Variants in CAMTA1 observed in about 807,000 individuals in gnomAD.
CAMTA1 encodes calmodulin-binding transcription activator 1.
CAMTA1 carries 27 observed loss-of-function variants against 170.9 expected under a neutral mutation model. That is an observed-to-expected ratio of 0.16 (90% CI 0.12 to 0.22). CAMTA1 has a LOEUF of 0.22. Among genes scored for constraint, CAMTA1 ranks in the 10% least tolerant of loss-of-function variants. CAMTA1 has a pLI of 1.00. For synonymous variants in CAMTA1, 833 were observed against 891.5 expected, an observed-to-expected ratio of 0.93 and a Z score of 1.17; for missense variants, 1,619 against 2,217.2, an observed-to-expected ratio of 0.73 and a Z score of 5.42.
intron 11 of CAMTA1, among the ~76,000 whole-genome samples, chr1:7,687,394 G>A (rs2096268241): frequency 1.3e-5 from 2 of 152,102 alleles, no homozygotes; most frequent in African/African-American, 2.4e-5. Context: ...GGGGAGGTGG[G>A]TAGGAAGGTC....
chr1:7,736,203 C>A lies in CAMTA1; in HGVS notation c.3067-141C>A. On this transcript the variant is annotated intron_variant, in intron 12 of 22. Coordinates refer to ENST00000303635, the MANE Select transcript of CAMTA1 (RefSeq NM_015215.4). The surrounding 1 kb of genome is among the most constrained non-coding windows in gnomAD (Gnocchi z 4.5). The stretch of plus-strand genomic sequence containing the variant: ...TTCAGGCATGATCCAGCATGCCCAG[C>A]CAATGTTTCTTTATTTTCAGTGTTT... 1 of 776,232 alleles carries A rather than the reference C, an allele frequency of 1.3e-6. No homozygotes were observed. Among genetic ancestry groups the A allele is most frequent in the Non-Finnish European group, 2.1e-6 (1 of 487,006 alleles). The allele number at this position is 776,232 out of a possible 1,614,324, so 48.1% of individuals were successfully genotyped here.
chr1:7,108,424 C>A (rs1643817042), intron 4 of CAMTA1, among the ~76,000 whole-genome samples: 1 of 152,174 alleles, frequency 6.6e-6, no homozygotes, highest in South Asian at 2.1e-4. Flanking sequence ...ACCGCAGACC[C>A]AGATGGCCCT....
intron 6 of CAMTA1, among the ~76,000 whole-genome samples, chr1:7,518,424 A>C (rs2094316382): frequency 6.6e-6 from 1 of 151,920 alleles, no homozygotes; most frequent in Non-Finnish European, 1.5e-5. Flanking sequence ...CCCCAAGGTC[A>C]GTGTCTCCAC....
chr1:7,348,898 A>G (rs1301272004), intron 5 of CAMTA1, among the ~76,000 whole-genome samples: 1 of 152,198 alleles, frequency 6.6e-6, no homozygotes, highest in Admixed American at 6.5e-5. Context: ...TCAGTTGCCC[A>G]TCAAAGTTGC....
At chr1:7,584,289 G>C (rs1277394215) in intron 6 of CAMTA1, among the ~76,000 whole-genome samples, 1 of 152,040 alleles carries the variant, frequency 6.6e-6, no homozygotes, top group Non-Finnish European at 1.5e-5. Flanking sequence ...TCAGCAAGGA[G>C]CAGGGGGCAT....
Position 7,050,415 on chromosome 1 carries a change from A to G in CAMTA1, c.235-40889A>G, listed in dbSNP as rs1373911278. The stretch of plus-strand genomic sequence containing the variant: ...TGAGTCCCTGGGGTGCAGGGCCCAC[A>G]CTCTGGCTGCTCATTGCCACTCTGG... On this transcript the variant is annotated intron_variant, in intron 3 of 22. Coordinates refer to ENST00000303635, the MANE Select transcript of CAMTA1 (RefSeq NM_015215.4). The surrounding 1 kb of genome is among the most constrained non-coding windows in gnomAD (Gnocchi z 4.8). Among the ~76,000 whole-genome samples, 1 of 151,914 alleles carries G rather than the reference A, an allele frequency of 6.6e-6. No homozygotes were observed. Among genetic ancestry groups the G allele is most frequent in the African/African-American group, 2.4e-5 (1 of 41,344 alleles).
rs1638874466 is a variant in CAMTA1 at position 6,785,501 on chromosome 1, C to T, written c.-30C>T. 3 of 1,029,964 alleles carry T rather than the reference C, an allele frequency of 2.9e-6. No individual in the cohort carries two copies. The highest frequency in any genetic ancestry group is 5.9e-5 in the Admixed American group (1 of 16,866). 63.8% of individuals were successfully genotyped at this position (1,029,964 alleles called of 1,614,324 possible). On this transcript the variant is annotated 5_prime_UTR_variant, in exon 1 of 23. Coordinates refer to ENST00000303635, the MANE Select transcript of CAMTA1 (RefSeq NM_015215.4). ...CGGCGGCGGCGGTACGAGGCGCGCG[C>T]TCGGGGTCCCGGTCGCGAGGAGGAG...
chr1:7,463,170 G>T lies in CAMTA1; in HGVS notation c.439-4660G>T, dbSNP rs2093131362. ...CCGCTGTGACCTTCAGGCCCCATCT[G>T]CTCCCCGGGGCTCCATGCCCTAAGC... On this transcript the variant is annotated intron_variant, in intron 5 of 22. Transcript: ENST00000303635. This position sits in a 1 kb window ranked among gnomAD's most constrained non-coding sequence, Gnocchi z 4.7. Among the ~76,000 whole-genome samples, 1 of 152,044 alleles carries T rather than the reference G, an allele frequency of 6.6e-6. No individual in the cohort carries two copies. Among genetic ancestry groups the T allele is most frequent in the Non-Finnish European group, 1.5e-5 (1 of 68,038 alleles).
At chr1:7,020,264 C>T (rs1037895681) in intron 3 of CAMTA1, among the ~76,000 whole-genome samples, 4 of 152,196 alleles carry the variant, frequency 2.6e-5, no homozygotes, top group African/African-American at 9.7e-5. Flanking sequence ...CCATAAGATG[C>T]TAACGCTATA....
At chr1:7,467,775 T>G in intron 5 of CAMTA1, 55 bp from the exon 6 acceptor site, 3 of 1,444,524 alleles carry the variant, frequency 2.1e-6, no homozygotes, top group Non-Finnish European at 2.0e-6. Flanking sequence ...GCCGTCTTCC[T>G]TCCTTCCTTC....
chr1:7,620,371 T>A (rs1057097879), intron 6 of CAMTA1, among the ~76,000 whole-genome samples: 2 of 152,096 alleles, frequency 1.3e-5, no homozygotes, highest in Non-Finnish European at 2.9e-5. Context: ...AGAAACCTCA[T>A]GGAAGCCTGG....
At chr1:6,820,994 G>A (rs1040469986) in intron 2 of CAMTA1, among the ~76,000 whole-genome samples, 6 of 152,046 alleles carry the variant, frequency 3.9e-5, no homozygotes, top group African/African-American at 1.4e-4. Flanking sequence ...GAAGTTTATT[G>A]AACCTGAGTT....
chr1:7,177,220 G>A (rs1008051308), intron 4 of CAMTA1, among the ~76,000 whole-genome samples: 2 of 149,742 alleles, frequency 1.3e-5, no homozygotes, highest in Non-Finnish European at 3.0e-5. Flanking sequence ...CCCACACAGT[G>A]AGGCACCACC....
intron 7 of CAMTA1, among the ~76,000 whole-genome samples, chr1:7,660,008 T>G (rs779068842): frequency 6.6e-6 from 1 of 152,160 alleles, no homozygotes; most frequent in Non-Finnish European, 1.5e-5. Context: ...ATATCAGCAC[T>G]TTGGGAGGCC....
chr1:7,225,267 G>A (rs1192644062), intron 4 of CAMTA1, among the ~76,000 whole-genome samples: 1 of 152,082 alleles, frequency 6.6e-6, no homozygotes, highest in Non-Finnish European at 1.5e-5. Flanking sequence ...ATATTTTTTA[G>A]TAGAGACGGA....
chr1:6,794,880 C>CTTTTT (rs1305335139), intron 1 of CAMTA1, among the ~76,000 whole-genome samples: 10 of 141,950 alleles, frequency 7.0e-5, no homozygotes, highest in East Asian at 2.1e-4. Context: ...TAGATAAAGG[C>CTTTTT]TTTTTTTTTG....
chr1:6,882,432 T>TG (rs1335841354), intron 3 of CAMTA1, among the ~76,000 whole-genome samples: 2 of 152,094 alleles, frequency 1.3e-5, no homozygotes, highest in African/African-American at 4.8e-5. Context: ...CAGGAAGAAA[T>TG]GGTCATATAT....
chr1:7,105,348 A>T (rs1643467210), intron 4 of CAMTA1, among the ~76,000 whole-genome samples: 1 of 152,254 alleles, frequency 6.6e-6, no homozygotes, highest in Non-Finnish European at 1.5e-5. Context: ...ACCCCCTGCC[A>T]GAAAGTTCGG....
chr1:7,742,884 G>A (rs181641285), intron 16 of CAMTA1, among the ~76,000 whole-genome samples: 17 of 152,078 alleles, frequency 1.1e-4, no homozygotes, highest in African/African-American at 3.4e-4. Flanking sequence ...GCTGGAGTGC[G>A]GTGGTGCCAT....
Sources: allele counts gnomAD v4.1 joint callset (sites outside exome capture counted in the v4.1 genomes callset), GRCh38; gene constraint gnomAD v4.1.1; non-coding constraint Gnocchi (gnomAD v3.1); transcripts MANE v1.5; gene names NCBI Gene and HGNC (gene_info 2026-07-23, HGNC 2026-07-21).